RELN: variants seen among roughly 807,000 people sequenced by gnomAD.
RELN encodes reelin.
A neutral mutation model predicts 427.6 loss-of-function variants in RELN; 108 were observed. The ratio of observed to expected loss-of-function variants is 0.25; its 90% CI spans 0.22 to 0.30. The LOEUF (loss-of-function observed/expected upper bound fraction) is 0.30, where lower values mean the gene tolerates loss of function less well. Ranked by LOEUF, RELN falls within the 10% of genes least tolerant of loss-of-function variation. The pLI, the probability that RELN is intolerant of heterozygous loss-of-function variation, is 1.00. For missense variants in RELN, 3,715 were observed against 4,302.8 expected, an observed-to-expected ratio of 0.86 and a Z score of 3.82; for synonymous variants, 1,524 against 1,513.4, an observed-to-expected ratio of 1.01 and a Z score of -0.16.
chr7:103,542,441 T>G (rs1830194689), intron 43 of RELN, among the ~76,000 whole-genome samples: 1 of 152,250 alleles, frequency 6.6e-6, no homozygotes, highest in African/African-American at 2.4e-5. Context: ...GAAGTTAAAG[T>G]AAATTAAACA....
intron 31 of RELN, among the ~76,000 whole-genome samples, chr7:103,568,504 T>C (rs2117193523): frequency 6.6e-6 from 1 of 152,254 alleles, no homozygotes; most frequent in Non-Finnish European, 1.5e-5. Flanking sequence ...TTGAATAAGG[T>C]GAGACCCATG....
rs537593625 is a variant in RELN at position 103,569,727 on chromosome 7, G to A, written c.4588+2457C>T. 6.6e-6 allele frequency among the ~76,000 whole-genome samples: 1 copy of A among 152,298 alleles called. No individual in the cohort carries two copies. The highest frequency in any genetic ancestry group is 1.5e-5 in the Non-Finnish European group (1 of 68,026). On this transcript the variant is annotated intron_variant, in intron 31 of 64. Transcript: ENST00000428762. This position sits in a 1 kb window ranked among gnomAD's most constrained non-coding sequence, Gnocchi z 4.0. ...AGGAGAGCCTCTCAGATAAGAATGA[G>A]AGGGTCGAGGAATGCAAGAAAGGCA... is the stretch of plus-strand genomic sequence containing the variant.
At chr7:103,756,100 T>C (rs1316279086) in intron 4 of RELN, among the ~76,000 whole-genome samples, 2 of 152,220 alleles carry the variant, frequency 1.3e-5, no homozygotes, top group East Asian at 3.8e-4. Context: ...TACTTTACAT[T>C]AAATGACTTT....
At position 103,833,602 on chromosome 7, in the gene RELN, C is replaced by G. The variant is rs1554427416; in HGVS notation, c.408G>C (p.Leu136=). The G allele has an allele frequency of 3.1e-6, 5 of 1,613,726 alleles. No homozygotes were observed. The Admixed American group carries it at 6.7e-5, about 22-fold the overall frequency. The change falls in exon 3 of 65, where the codon CTG becomes CTC. Residue 136 remains leucine (L), a synonymous_variant. Coordinates refer to ENST00000428762, the MANE Select transcript of RELN (RefSeq NM_005045.4). ...AGATGAAACTGAGGTTGGTTGTGGG[C>G]AGGTGACTCACGTGAGAGGCTACCA... ...CSVVASHVSH[L]PTTNLSFIWI...
chr7:103,924,038 G>T (rs749312305), intron 1 of RELN, among the ~76,000 whole-genome samples: 1 of 152,172 alleles, frequency 6.6e-6, no homozygotes, highest in Non-Finnish European at 1.5e-5. Context: ...GCATGTGAAA[G>T]GTAGCTCTAG....
intron 59 of RELN, 81 bp downstream of exon 59, chr7:103,490,587 G>T: frequency 7.0e-7 from 1 of 1,431,958 alleles, no homozygotes; most frequent in East Asian, 2.3e-5. Flanking sequence ...GCCTCACACT[G>T]TCAGTTGTTT....
intron 2 of RELN, among the ~76,000 whole-genome samples, chr7:103,857,687 G>A (rs1793978490): frequency 6.6e-6 from 1 of 152,142 alleles, no homozygotes; most frequent in East Asian, 1.9e-4. Context: ...CAGGGAGGCT[G>A]AGCAGATGAT....
chr7:103,588,269 CA>C (rs1562907514), intron 28 of RELN, among the ~76,000 whole-genome samples: 1 of 151,918 alleles, frequency 6.6e-6, no homozygotes, highest in Non-Finnish European at 1.5e-5. Context: ...AAGCCAGGGT[CA>C]AAAAGACAAA....
intron 2 of RELN, among the ~76,000 whole-genome samples, chr7:103,869,637 C>A (rs3886302): frequency 0.14 from 21,798 of 151,976 alleles, 1,867 homozygotes; most frequent in East Asian, 0.34. Context: ...CTTTTATTTA[C>A]GTGTAAGTTA....
At chr7:103,638,109 C>T (rs938494317) in intron 17 of RELN, among the ~76,000 whole-genome samples, 1 of 152,052 alleles carries the variant, frequency 6.6e-6, no homozygotes, top group Admixed American at 6.6e-5. Flanking sequence ...CTTTGTTTCT[C>T]AGCAAAACAA....
rs111430614 is a variant in RELN at position 103,486,433 on chromosome 7, A to C, written c.9764-17T>G. ...AGTCATCACCTAGAGGACAAGGAGC[A>C]GTCACAGAAATTAAGTGGACCAACC... On this transcript the variant is annotated splice_polypyrimidine_tract_variant and intron_variant, in intron 60 of 64. Transcript: ENST00000428762. 2 of 1,599,128 alleles carry C rather than the reference A, an allele frequency of 1.3e-6. No homozygotes were observed. The highest frequency in any genetic ancestry group is 1.3e-5 in the African/African-American group (1 of 74,740).
At chr7:103,960,178 A>T (rs1181196784) in intron 1 of RELN, among the ~76,000 whole-genome samples, 1 of 152,170 alleles carries the variant, frequency 6.6e-6, no homozygotes, top group African/African-American at 2.4e-5. Flanking sequence ...TCCTTTCAAA[A>T]GCTCATGAGA....
intron 4 of RELN, among the ~76,000 whole-genome samples, chr7:103,771,507 C>A (rs1351046628): frequency 1.3e-5 from 2 of 152,208 alleles, no homozygotes; most frequent in Non-Finnish European, 2.9e-5. Flanking sequence ...GCTGTCCCAG[C>A]CAGTGACAGG....
Position 103,807,409 on chromosome 7 carries a change from C to T in RELN, c.473+26128G>A, listed in dbSNP as rs78080015. The stretch of plus-strand genomic sequence containing the variant: ...ATTAGGATGGAGATGAGACTGAAAA[C>T]AGACACTATTTGCTGAAAGTCCATT... On this transcript the variant is annotated intron_variant, in intron 3 of 64. Coordinates refer to ENST00000428762, the MANE Select transcript of RELN (RefSeq NM_005045.4). 9.2e-3 allele frequency among the ~76,000 whole-genome samples: 1,403 copies of T among 152,246 alleles called. 22 individuals are homozygous for T. Among genetic ancestry groups the T allele is most frequent in the African/African-American group, 0.031 (1,282 of 41,550 alleles).
Position 103,621,336 on chromosome 7 carries a change from G to C in RELN, c.2702+8604C>G, listed in dbSNP as rs538628661. 5.3e-5 allele frequency among the ~76,000 whole-genome samples: 8 copies of C among 152,250 alleles called. No homozygotes were observed. The East Asian group carries it at 1.5e-3, about 29-fold the overall frequency. ...AATATTAAATTTAGCAATTAATGAA[G>C]TTAGCCTAATGTTGTATTTTGTAGA... On this transcript the variant is annotated intron_variant, in intron 20 of 64. Coordinates refer to ENST00000428762, the MANE Select transcript of RELN (RefSeq NM_005045.4).
intron 41 of RELN, among the ~76,000 whole-genome samples, chr7:103,547,887 A>G (rs1830334626): frequency 6.6e-6 from 1 of 152,242 alleles, no homozygotes; most frequent in Non-Finnish European, 1.5e-5. Context: ...TATGATAAAT[A>G]GGCTGAAGGG....
rs778887714 is a variant in RELN at position 103,682,176 on chromosome 7, T to A, written c.1229A>T (p.Asp410Val). 1.2e-6 allele frequency: 2 copies of A among 1,614,032 alleles called. No individual in the cohort carries two copies. Among genetic ancestry groups the A allele is most frequent in the Non-Finnish European group, 1.7e-6 (2 of 1,179,924 alleles). Residue 410 changes from aspartate to valine, a missense_variant, in exon 11 of 65, where the codon GAT (aspartate) becomes GTT (valine). Asp to Val is a radical substitution (Grantham distance 152). Transcript: ENST00000428762. ...EFNFATTRDV[D>V]LSTEDIQEQW... ...CTCTTGAATATCTTCTGTGGAAAGATCTACATCCCTGGTGGTGGCAAAATT... is the reference window on the plus strand; with the variant it reads ...CTCTTGAATATCTTCTGTGGAAAGAACTACATCCCTGGTGGTGGCAAAATT...
chr7:103,742,462 T>C (rs945982007), intron 6 of RELN, among the ~76,000 whole-genome samples: 1 of 152,090 alleles, frequency 6.6e-6, no homozygotes, highest in African/African-American at 2.4e-5. Context: ...ACGATCAAAC[T>C]ACTCCAAGCT....
chr7:103,848,494 T>C (rs376075601), intron 2 of RELN, among the ~76,000 whole-genome samples: 6 of 152,018 alleles, frequency 3.9e-5, no homozygotes, highest in Non-Finnish European at 8.8e-5. Context: ...AACAGCTACT[T>C]CCCCCCGAAT....
Sources: allele counts gnomAD v4.1 joint callset (sites outside exome capture counted in the v4.1 genomes callset), GRCh38; gene constraint gnomAD v4.1.1; non-coding constraint Gnocchi (gnomAD v3.1); transcripts MANE v1.5; gene names NCBI Gene and HGNC (gene_info 2026-07-23, HGNC 2026-07-21).